RBFOX3: variants seen among roughly 807,000 people sequenced by gnomAD.
RBFOX3 encodes the protein RNA binding protein fox-1 homolog 3.
A neutral mutation model predicts 48.7 loss-of-function variants in RBFOX3; 17 were observed. That is an observed-to-expected ratio of 0.35 (90% CI 0.24 to 0.52). RBFOX3 has a LOEUF of 0.52. RBFOX3 is among the 20% of genes least tolerant of loss of function. RBFOX3 has a pLI of 0.94. For missense variants in RBFOX3, 382 were observed against 497.5 expected (o/e 0.77, Z 2.21); for synonymous variants, 212 against 209.5 (o/e 1.01, Z -0.10).
chr17:79,259,728 G>A (rs73414171), intron 3 of RBFOX3, among the ~76,000 whole-genome samples: 3,841 of 152,234 alleles, frequency 0.025, 164 homozygotes, highest in African/African-American at 0.088. Flanking sequence ...GCCAGGAGAC[G>A]CAGGGACAGG....
chr17:79,582,838 G>T (rs917580480), intron 1 of RBFOX3, among the ~76,000 whole-genome samples: 1 of 151,274 alleles, frequency 6.6e-6, no homozygotes, highest in Middle Eastern at 3.4e-3. Flanking sequence ...GACCTGAGTG[G>T]CTAGCAGCGC....
intron 1 of RBFOX3, among the ~76,000 whole-genome samples, chr17:79,488,943 AG>A (rs2080071916): frequency 1.3e-5 from 2 of 152,242 alleles, no homozygotes; most frequent in Admixed American, 6.5e-5. Context: ...CTCTGAGACC[AG>A]GGGCTCCAAA....
intron 3 of RBFOX3, among the ~76,000 whole-genome samples, chr17:79,246,923 G>A (rs1421263100): frequency 1.3e-5 from 2 of 152,180 alleles, no homozygotes; most frequent in African/African-American, 2.4e-5. Flanking sequence ...CAGGGCAGAC[G>A]GCACCACTCA....
At chr17:79,441,688 G>T (rs2070951166) in intron 2 of RBFOX3, among the ~76,000 whole-genome samples, 1 of 152,202 alleles carries the variant, frequency 6.6e-6, no homozygotes, top group Non-Finnish European at 1.5e-5. Context: ...CTAGTGTGCG[G>T]TCATCAGTTA....
At chr17:79,245,582 G>A (rs2063049588) in intron 3 of RBFOX3, among the ~76,000 whole-genome samples, 1 of 148,190 alleles carries the variant, frequency 6.7e-6, no homozygotes, top group South Asian at 2.1e-4. Flanking sequence ...CCATTATATG[G>A]ATACACCACA....
At chr17:79,176,896 G>A (rs1484986620) in intron 4 of RBFOX3, among the ~76,000 whole-genome samples, 1 of 152,240 alleles carries the variant, frequency 6.6e-6, no homozygotes, top group Admixed American at 6.5e-5. Context: ...GTTAAGGCCG[G>A]TTAGGAAGCT....
intron 2 of RBFOX3, among the ~76,000 whole-genome samples, chr17:79,312,266 C>T (rs1338355178): frequency 8.3e-6 from 1 of 121,120 alleles, no homozygotes; most frequent in African/African-American, 3.2e-5. Context: ...AGGGGAGAGA[C>T]AAGGAAAACA....
chr17:79,542,066 C>T (rs1555790529), intron 1 of RBFOX3, among the ~76,000 whole-genome samples: 1 of 148,640 alleles, frequency 6.7e-6, no homozygotes, highest in Middle Eastern at 3.2e-3. Context: ...TATTGTTTAT[C>T]GTGCAACACT....
At chr17:79,580,799 G>A (rs1022753903) in intron 1 of RBFOX3, among the ~76,000 whole-genome samples, 18 of 152,122 alleles carry the variant, frequency 1.2e-4, no homozygotes, top group East Asian at 1.9e-4. Flanking sequence ...TGGCAGACAC[G>A]ACTTCCAGCC....
At chr17:79,575,364 C>T (rs973677948) in intron 1 of RBFOX3, among the ~76,000 whole-genome samples, 13 of 152,204 alleles carry the variant, frequency 8.5e-5, no homozygotes, top group Admixed American at 1.3e-4. Flanking sequence ...TTTCCAGGGC[C>T]CTGAGGCCAG....
rs1187490958 is a variant in RBFOX3, at chr17:79,205,257, T to G, written c.-34+30509A>C. Reference sequence around the variant, plus strand: ...GATACATGGTTAGAGCAGACACTGATACCTGTGAAATGAAAACACCATCAT... The same window carrying G: ...GATACATGGTTAGAGCAGACACTGAGACCTGTGAAATGAAAACACCATCAT... On this transcript the variant is annotated intron_variant, in intron 4 of 14. Transcript: ENST00000693108. The surrounding 1 kb of genome is among the most constrained non-coding windows in gnomAD (Gnocchi z 4.5). 6.6e-6 allele frequency among the ~76,000 whole-genome samples: 1 copy of G among 152,164 alleles called. No homozygotes were observed. Among genetic ancestry groups the G allele is most frequent in the East Asian group, 1.9e-4 (1 of 5,190 alleles).
intron 1 of RBFOX3, among the ~76,000 whole-genome samples, chr17:79,568,617 G>T (rs1439508866): frequency 1.3e-5 from 2 of 152,106 alleles, no homozygotes; most frequent in African/African-American, 4.8e-5. Context: ...CTCCAGTGCT[G>T]GGGGCCACCC....
At chr17:79,568,021 G>A (rs2092532685) in intron 1 of RBFOX3, among the ~76,000 whole-genome samples, 1 of 152,178 alleles carries the variant, frequency 6.6e-6, no homozygotes, top group Non-Finnish European at 1.5e-5. Flanking sequence ...AGAACAGCAT[G>A]GGTGCCCGCT....
chr17:79,349,393 A>G (rs1438533955), intron 2 of RBFOX3, among the ~76,000 whole-genome samples: 2 of 151,894 alleles, frequency 1.3e-5, no homozygotes, highest in African/African-American at 2.4e-5. Flanking sequence ...CCCGGGGGCC[A>G]CTGCTATTGC....
At chr17:79,303,878 T>TGTGC (rs1491250327) in intron 3 of RBFOX3, among the ~76,000 whole-genome samples, 2 of 147,738 alleles carry the variant, frequency 1.4e-5, no homozygotes, top group African/African-American at 5.0e-5. Flanking sequence ...TGTGTGTGTG[T>TGTGC]GCATGTGTGT....
chr17:79,371,473 G>A (rs1299223405), intron 2 of RBFOX3, among the ~76,000 whole-genome samples: 1 of 152,128 alleles, frequency 6.6e-6, no homozygotes, highest in African/African-American at 2.4e-5. Context: ...CTTGTTGCTG[G>A]GCTCCATAGA....
At chr17:79,235,026 C>T (rs2061478747) in intron 4 of RBFOX3, 1 of 152,124 alleles carries the variant, frequency 6.6e-6, no homozygotes, top group South Asian at 2.1e-4. Context: ...GCCACCAAGC[C>T]CGGTCCATTA....
chr17:79,245,308 A>G (rs1447906429), intron 3 of RBFOX3, among the ~76,000 whole-genome samples: 1 of 152,114 alleles, frequency 6.6e-6, no homozygotes, highest in Non-Finnish European at 1.5e-5. Context: ...AGGGACCTAG[A>G]GGCCACATGC....
intron 4 of RBFOX3, among the ~76,000 whole-genome samples, chr17:79,129,919 C>T (rs571357332): frequency 6.6e-6 from 1 of 152,118 alleles, no homozygotes; most frequent in Non-Finnish European, 1.5e-5. Context: ...CTCTCCTTGC[C>T]CCAGCAAGAG....
Sources: gnomAD v4.1 joint callset for allele counts (sites outside exome capture counted in the v4.1 genomes callset) on GRCh38, gnomAD v4.1.1 for gene constraint, Gnocchi (gnomAD v3.1) non-coding constraint, MANE v1.5 for transcripts, NCBI Gene and HGNC (gene_info 2026-07-23, HGNC 2026-07-21) for gene names.